The following DUOX1 variants were observed in gnomAD, a reference collection of about 807,000 sequenced individuals.
DUOX1 encodes NADPH thyroid oxidase 1.
DUOX1 carries 134 observed loss-of-function variants against 181.8 expected under a neutral mutation model. The ratio of observed to expected loss-of-function variants is 0.74; its 90% confidence interval spans 0.64 to 0.85. DUOX1 has a LOEUF of 0.85. Ranked by LOEUF, DUOX1 falls within the 40% of genes least tolerant of loss-of-function variation. The pLI is 0.00. For missense variants in DUOX1, 1,814 were observed against 2,064.4 expected (o/e 0.88, Z 2.35); for synonymous variants, 798 against 832.5 (o/e 0.96, Z 0.71).
At chr15:45,153,558 G>A in intron 26 of DUOX1, 79 bp downstream of exon 26, 2 of 1,300,400 alleles carry the variant, frequency 1.5e-6, no homozygotes, top group East Asian at 2.3e-5. Flanking sequence ...ATAATGGGGA[G>A]GATTCCTTTT....
chr15:45,133,839 G>T, intron 2 of DUOX1, 25 bp from the exon 3 acceptor site: 2 of 1,608,122 alleles, frequency 1.2e-6, no homozygotes, highest in Non-Finnish European at 8.5e-7. Context: ...TTGCCCAGCT[G>T]CCCCTTCCCT....
chr15:45,139,286 A>G, intron 11 of DUOX1, 118 bp downstream of exon 11: 1 of 1,597,776 alleles, frequency 6.3e-7, no homozygotes, highest in Non-Finnish European at 8.5e-7. Flanking sequence ...CACTGCACTC[A>G]CTGATGAAAG....
At chr15:45,151,615 A>C (rs1289439805) in intron 23 of DUOX1, among the ~76,000 whole-genome samples, 1 of 152,108 alleles carries the variant, frequency 6.6e-6, no homozygotes, top group Non-Finnish European at 1.5e-5. Flanking sequence ...CTGAGTGTGA[A>C]TGAACACAGG....
Position 45,141,039 on chromosome 15 carries a change from G to A in DUOX1, c.1534G>A (p.Asp512Asn). The change falls in exon 13 of 34, where the codon GAC becomes AAC. Residue 512 changes from aspartate to asparagine, a missense_variant. This residue lies in a region of DUOX1 where 1,064 missense variants were observed against 1,152.9 expected (regional missense o/e 0.92). Coordinates refer to ENST00000389037, the MANE Select transcript of DUOX1 (RefSeq NM_175940.3). ...ACAATTTGTGCGGCTACGGGATGGTGACCGCTACTGGTTTGAGAACACCAG... is the reference window on the plus strand; with the variant it reads ...ACAATTTGTGCGGCTACGGGATGGTAACCGCTACTGGTTTGAGAACACCAG... ...LEQFVRLRDG[D>N]RYWFENTRNG... 6.2e-7 allele frequency: 1 copy of A among 1,614,222 alleles called. No individual in the cohort carries two copies. The highest frequency in any genetic ancestry group is 8.5e-7 in the Non-Finnish European group (1 of 1,180,038).
At chr15:45,154,270 A>G (rs367698692) in intron 27 of DUOX1, among the ~76,000 whole-genome samples, 1 of 152,132 alleles carries the variant, frequency 6.6e-6, no homozygotes, top group African/African-American at 2.4e-5. Context: ...ATCTCCTACT[A>G]TGGACTAGTT....
chr15:45,132,417 G>A (rs959998647), intron 2 of DUOX1, among the ~76,000 whole-genome samples: 2 of 152,200 alleles, frequency 1.3e-5, no homozygotes, highest in African/African-American at 2.4e-5. Flanking sequence ...AGCTGAAGGG[G>A]AGTCATCAAT....
chr15:45,154,007 A>T lies in DUOX1; in HGVS notation c.3574+7A>T. The T allele has an allele frequency of 6.2e-7, 1 of 1,612,988 alleles. No individual in the cohort carries two copies. ...TTCTTCCAGACCGTACCAGGTGAGAACCCTCCTTGATCCATGAATTTCTGG... is the reference window on the plus strand; with the variant it reads ...TTCTTCCAGACCGTACCAGGTGAGATCCCTCCTTGATCCATGAATTTCTGG... On this transcript the variant is annotated splice_region_variant and intron_variant, in intron 27 of 33. Coordinates refer to ENST00000389037, the MANE Select transcript of DUOX1 (RefSeq NM_175940.3).
At chr15:45,134,029 C>A (rs1896218893) in intron 3 of DUOX1, 82 bp downstream of exon 3, 5 of 1,574,938 alleles carry the variant, frequency 3.2e-6, no homozygotes, top group African/African-American at 2.7e-5. Context: ...CAAGTACCAG[C>A]AAAGGCCATC....
At chr15:45,136,485 T>C (rs1896319367) in intron 8 of DUOX1, 44 bp from the exon 9 acceptor site, 2 of 1,613,728 alleles carry the variant, frequency 1.2e-6, no homozygotes, top group African/African-American at 1.3e-5. Flanking sequence ...CGTTGGGGAT[T>C]TTAGGGCTAA....
chr15:45,153,252 A>C, intron 25 of DUOX1, 128 bp from the exon 26 acceptor site: 1 of 557,608 alleles, frequency 1.8e-6, no homozygotes, highest in Non-Finnish European at 3.3e-6. Context: ...AAAAGAGGTC[A>C]GAAGTCGAGA....
At chr15:45,159,389 A>G (rs1364545665) in intron 28 of DUOX1, among the ~76,000 whole-genome samples, 1 of 152,262 alleles carries the variant, frequency 6.6e-6, no homozygotes, top group African/African-American at 2.4e-5. Context: ...GAACCAGTAG[A>G]GCATTGTTGC....
intron 31 of DUOX1, 110 bp from the exon 32 acceptor site, chr15:45,163,422 G>A (rs896349824): frequency 2.0e-6 from 3 of 1,494,500 alleles, no homozygotes; most frequent in African/African-American, 2.8e-5. Context: ...GGCTGTCTAG[G>A]GAAGGGCACA....
chr15:45,151,454 A>G (rs1896800279), intron 23 of DUOX1, among the ~76,000 whole-genome samples: 1 of 152,210 alleles, frequency 6.6e-6, no homozygotes, highest in African/African-American at 2.4e-5. Context: ...AATAGTGGTA[A>G]GAGCGAAGGG....
Position 45,151,204 on chromosome 15 carries a change from G to A in DUOX1, c.2970G>A (p.Met990Ile), listed in dbSNP as rs755346500. Residue 990 changes from methionine (M) to isoleucine (I), a missense_variant, in exon 23 of 34, where the codon ATG (methionine) becomes ATA (isoleucine). Physicochemically the swap from Met to Ile is conservative, Grantham distance 10. This residue lies in a region of DUOX1 where 1,064 missense variants were observed against 1,152.9 expected (regional missense o/e 0.92). Coordinates refer to ENST00000389037, the MANE Select transcript of DUOX1 (RefSeq NM_175940.3). The stretch of plus-strand genomic sequence containing the variant: ...CACCTCAGAGACTGCAGTGCCCCAT[G>A]GACACAGACCCTCCCCAGGAGATTC... The part of the protein sequence containing the change: ...ELTPQRLQCP[M>I]DTDPPQEIRR... 6.2e-7 allele frequency: 1 copy of A among 1,614,192 alleles called. No individual in the cohort carries two copies. The highest frequency in any genetic ancestry group is 8.5e-7 in the Non-Finnish European group (1 of 1,180,036).
chr15:45,163,988 T>A (rs538930752), intron 33 of DUOX1, 70 bp downstream of exon 33: 470 of 1,569,168 alleles, frequency 3.0e-4, no homozygotes, highest in Non-Finnish European at 3.9e-4. Flanking sequence ...TCCCAAACCT[T>A]CCCCATCGAG....
Position 45,135,691 on chromosome 15 carries a change from C to T in DUOX1, c.697+16C>T. 1.4e-6 allele frequency: 2 copies of T among 1,450,830 alleles called. No homozygotes were observed. Among genetic ancestry groups the T allele is most frequent in the South Asian group, 1.4e-5 (1 of 69,232 alleles). The allele number at this position is 1,450,830 out of a possible 1,614,324, so 89.9% of individuals were successfully genotyped here. A position where few individuals can be genotyped will look rare whatever the true frequency, so the allele number is the denominator to read the frequency against. ...GGGCTGTACGGTGAGGCCACAGGGG[C>T]GGGACGGGGCCGGCTGGGGGTCTGC... On this transcript the variant is annotated intron_variant, in intron 6 of 33. Transcript: ENST00000389037.
chr15:45,141,751 C>CGTGTGTGT (rs5812287), intron 14 of DUOX1, among the ~76,000 whole-genome samples: 3 of 148,588 alleles, frequency 2.0e-5, no homozygotes, highest in South Asian at 2.1e-4. Flanking sequence ...GTGAGGGAAG[C>CGTGTGTGT]GTGTGTGTGT....
At chr15:45,140,082 A>C (rs1896452327) in intron 12 of DUOX1, 2 of 1,361,868 alleles carry the variant, frequency 1.5e-6, no homozygotes, top group Admixed American at 3.7e-5. Flanking sequence ...AGTAGCGGTC[A>C]CCATCCCACA....
At chr15:45,161,592 G>A in intron 29 of DUOX1, 146 bp from the exon 30 acceptor site, 1 of 712,422 alleles carries the variant, frequency 1.4e-6, no homozygotes, top group Non-Finnish European at 2.4e-6. Context: ...GTGCTGCCTG[G>A]GCCCCCACAG....
Sources: gnomAD v4.1 joint callset for allele counts (sites outside exome capture counted in the v4.1 genomes callset) on GRCh38, gnomAD v4.1.1 for gene constraint, gnomAD v4.1.1 regional missense constraint, MANE v1.5 for transcripts, NCBI Gene and HGNC (gene_info 2026-07-23, HGNC 2026-07-21) for gene names.